The following EXOC4 variants were observed in gnomAD, a reference collection of about 807,000 sequenced individuals.
EXOC4 encodes the protein SEC8-like 1.
A neutral mutation model predicts 107.2 loss-of-function variants in EXOC4; 71 were observed. The observed-to-expected ratio is 0.66, with a 90% CI of 0.55 to 0.81. EXOC4 has a LOEUF of 0.81. Among genes scored for constraint, EXOC4 ranks in the 30% least tolerant of loss-of-function variants. The pLI is 0.00. For synonymous variants in EXOC4, 456 were observed against 441.2 expected, an observed-to-expected ratio of 1.03 and a Z score of -0.42; for missense variants, 1,108 against 1,189.6, an observed-to-expected ratio of 0.93 and a Z score of 1.01.
chr7:133,545,096 G>A (rs374453281), intron 9 of EXOC4, among the ~76,000 whole-genome samples: 2 of 151,432 alleles, frequency 1.3e-5, no homozygotes, highest in South Asian at 4.2e-4. Flanking sequence ...TTGTCTATGT[G>A]GTCGCTATTT....
chr7:133,553,395 T>C (rs573451164), intron 9 of EXOC4, among the ~76,000 whole-genome samples: 2 of 152,296 alleles, frequency 1.3e-5, no homozygotes, highest in African/African-American at 4.8e-5. Flanking sequence ...ATATGTTACT[T>C]TCCTTTTCAA....
downstream of EXOC4, among the ~76,000 whole-genome samples, chr7:134,067,579 A>G (rs796700504): frequency 1.3e-5 from 2 of 151,600 alleles, no homozygotes; most frequent in African/African-American, 4.8e-5. Context: ...CTTCGTTGGA[A>G]TAAATTCCTT....
At position 133,707,765 on chromosome 7, in the gene EXOC4, G is replaced by A. The variant is rs191671734; in HGVS notation, c.1514+77624G>A. On this transcript the variant is annotated intron_variant, in intron 10 of 17. Coordinates refer to ENST00000253861, the MANE Select transcript of EXOC4 (RefSeq NM_021807.4). Reference sequence around the variant, plus strand: ...TGAGTAGCTGGGACTACAGGCGCACGCCACCACGCCTGGCTAATTTTTGTA... The same window carrying A: ...TGAGTAGCTGGGACTACAGGCGCACACCACCACGCCTGGCTAATTTTTGTA... Among the ~76,000 whole-genome samples, 1,017 of 152,066 alleles carry A rather than the reference G, an allele frequency of 6.7e-3. 1 individual carries two copies. The highest frequency in any genetic ancestry group is 0.011 in the Non-Finnish European group (723 of 67,998).
At position 133,701,010 on chromosome 7, in the gene EXOC4, G is replaced by C. The variant is rs561801106; in HGVS notation, c.1514+70869G>C. Among the ~76,000 whole-genome samples the C allele has an allele frequency of 1.5e-4, 23 of 152,040 alleles. No individual in the cohort carries two copies. The East Asian group carries it at 3.9e-3, about 26-fold the overall frequency. ...AAAAAAATATAATGTATTCTTACCT[G>C]GTGTAATAAATAGAAAAGACCAGGT... is the stretch of plus-strand genomic sequence containing the variant. On this transcript the variant is annotated intron_variant, in intron 10 of 17. Coordinates refer to ENST00000253861, the MANE Select transcript of EXOC4 (RefSeq NM_021807.4).
At chr7:133,928,074 A>G (rs981817083) in intron 13 of EXOC4, among the ~76,000 whole-genome samples, 7 of 152,188 alleles carry the variant, frequency 4.6e-5, no homozygotes, top group African/African-American at 1.4e-4. Context: ...AAGTGTCACT[A>G]ATTTGTTTTC....
chr7:133,587,480 A>C (rs1801433732), intron 9 of EXOC4, among the ~76,000 whole-genome samples: 1 of 152,208 alleles, frequency 6.6e-6, no homozygotes, highest in South Asian at 2.1e-4. Flanking sequence ...CAGTGCTCAG[A>C]GTCAAACTAA....
At chr7:133,410,114 G>A (rs1797323163) in intron 7 of EXOC4, among the ~76,000 whole-genome samples, 1 of 151,980 alleles carries the variant, frequency 6.6e-6, no homozygotes, top group African/African-American at 2.4e-5. Context: ...CCTTCCTCCA[G>A]ACAGCCCATC....
At chr7:133,818,307 C>T (rs888527275) in intron 11 of EXOC4, among the ~76,000 whole-genome samples, 8 of 152,254 alleles carry the variant, frequency 5.3e-5, no homozygotes, top group African/African-American at 1.9e-4. Context: ...GGCACAGTCT[C>T]ACACTTTTAC....
intron 9 of EXOC4, among the ~76,000 whole-genome samples, chr7:133,555,171 A>G: frequency 6.6e-6 from 1 of 152,198 alleles, no homozygotes; most frequent in East Asian, 1.9e-4. Context: ...ATCTAAATAG[A>G]TGGAAAAACT....
rs367807812 is a variant in EXOC4, at chr7:133,606,518, T to TTA, written c.1418-23526_1418-23525insAT. ...CTGTTTATTATTATTATTATTATTA[T>TTA]TTTTTTTTTTTTTTGAGGTGGAGTC... On this transcript the variant is annotated intron_variant, in intron 9 of 17. Coordinates refer to ENST00000253861, the MANE Select transcript of EXOC4 (RefSeq NM_021807.4). Among the ~76,000 whole-genome samples, 76 of 105,832 alleles carry TTA rather than the reference T, an allele frequency of 7.2e-4. No individual in the cohort carries two copies. In the Middle Eastern group the frequency reaches 0.017, roughly 24 times the overall value. The allele number at this position is 105,832 out of a possible 152,430, so 69.4% of individuals were successfully genotyped here.
chr7:133,278,082 C>T (rs1562999323), intron 2 of EXOC4, among the ~76,000 whole-genome samples: 1 of 151,048 alleles, frequency 6.6e-6, no homozygotes, highest in Non-Finnish European at 1.5e-5. Context: ...CTGTTGAGTG[C>T]CCGCTATGTT....
At chr7:133,553,357 G>A (rs1009036118) in intron 9 of EXOC4, among the ~76,000 whole-genome samples, 9 of 152,110 alleles carry the variant, frequency 5.9e-5, no homozygotes, top group African/African-American at 2.2e-4. Flanking sequence ...TATAGGATGT[G>A]TTGAGTAGCC....
chr7:133,582,869 G>A (rs994884934), intron 9 of EXOC4, among the ~76,000 whole-genome samples: 3 of 152,146 alleles, frequency 2.0e-5, no homozygotes, highest in Admixed American at 6.5e-5. Flanking sequence ...ATACAAAAGA[G>A]TTCATGGGGG....
chr7:133,690,946 A>T (rs953573399), intron 10 of EXOC4, among the ~76,000 whole-genome samples: 2 of 152,264 alleles, frequency 1.3e-5, no homozygotes, highest in Non-Finnish European at 2.9e-5. Flanking sequence ...TTGTGATAAG[A>T]GTTGCTCTCC....
chr7:133,432,488 T>G (rs1797878204), intron 7 of EXOC4, among the ~76,000 whole-genome samples: 1 of 152,190 alleles, frequency 6.6e-6, no homozygotes, highest in Admixed American at 6.5e-5. Context: ...TAGATAGATA[T>G]ATAAATATAA....
intron 7 of EXOC4, among the ~76,000 whole-genome samples, chr7:133,456,808 A>G (rs1293397839): frequency 6.6e-6 from 1 of 152,326 alleles, no homozygotes; most frequent in East Asian, 1.9e-4. Context: ...TAGCACACAG[A>G]AAGCACTCAT....
intron 7 of EXOC4, among the ~76,000 whole-genome samples, chr7:133,419,982 T>TTA (rs1797565607): frequency 1.5e-5 from 2 of 132,778 alleles, no homozygotes; most frequent in African/African-American, 5.5e-5. Context: ...TTTTTTTTTT[T>TTA]ATTATACTTT....
At chr7:133,517,722 C>T (rs1456590219) in intron 9 of EXOC4, among the ~76,000 whole-genome samples, 1 of 152,110 alleles carries the variant, frequency 6.6e-6, no homozygotes, top group East Asian at 1.9e-4. Context: ...ATTCCTCCCA[C>T]AATACGTGGT....
At chr7:133,529,677 A>G (rs547005933) in intron 9 of EXOC4, among the ~76,000 whole-genome samples, 4 of 152,252 alleles carry the variant, frequency 2.6e-5, no homozygotes, top group South Asian at 4.1e-4. Flanking sequence ...TGAGTTATGT[A>G]TAAATTTAGA....
Sources: allele counts gnomAD v4.1 joint callset (sites outside exome capture counted in the v4.1 genomes callset), GRCh38; gene constraint gnomAD v4.1.1; transcripts MANE v1.5; gene names NCBI Gene and HGNC (gene_info 2026-07-23, HGNC 2026-07-21).